Variants in CNTNAP2 observed in about 807,000 individuals in gnomAD.
CNTNAP2 encodes the protein contactin-associated protein-like 2.
In CNTNAP2, 98 loss-of-function variants were observed where a neutral mutation model predicts 155.2. That is an observed-to-expected ratio of 0.63 (90% CI 0.54 to 0.75). CNTNAP2 has a LOEUF of 0.75. CNTNAP2 is among the 30% of genes least tolerant of loss of function. The pLI is 0.00. For synonymous variants in CNTNAP2, 651 were observed against 631.2 expected, an observed-to-expected ratio of 1.03 and a Z score of -0.47; for missense variants, 1,727 against 1,688.1, an observed-to-expected ratio of 1.02 and a Z score of -0.40.
intron 9 of CNTNAP2, among the ~76,000 whole-genome samples, chr7:147,364,806 G>A (rs1432861298): frequency 1.3e-5 from 2 of 151,376 alleles, no homozygotes; most frequent in Admixed American, 6.6e-5. Context: ...CCGAGATCGC[G>A]CCACTGCACT....
chr7:146,687,862 A>T (rs1283172389), intron 1 of CNTNAP2, among the ~76,000 whole-genome samples: 1 of 152,196 alleles, frequency 6.6e-6, no homozygotes. Flanking sequence ...GCAGTCTAGC[A>T]CTGATGCTTT....
chr7:146,303,071 C>CAT lies in CNTNAP2; in HGVS notation c.97+186099_97+186100dup, dbSNP rs751235851. On this transcript the variant is annotated intron_variant, in intron 1 of 23. Transcript: ENST00000361727. Reference sequence around the variant, plus strand: ...GAGAAACTAGGTACACCTTTGTGTGCATGTGTGTGTGTGTGTGTGTGTGTG... The same window carrying CAT: ...GAGAAACTAGGTACACCTTTGTGTGCATATGTGTGTGTGTGTGTGTGTGTGTG... 4.7e-5 allele frequency among the ~76,000 whole-genome samples: 6 copies of CAT among 128,156 alleles called. 1 individual carries two copies. The South Asian group carries it at 1.2e-3, about 25-fold the overall frequency. 84.1% of individuals were successfully genotyped at this position (128,156 alleles called of 152,430 possible).
At chr7:146,460,565 G>C (rs1429898884) in intron 1 of CNTNAP2, among the ~76,000 whole-genome samples, 2 of 152,090 alleles carry the variant, frequency 1.3e-5, no homozygotes, top group African/African-American at 4.8e-5. Flanking sequence ...TAAATTGTAT[G>C]ATATATATGT....
At chr7:146,407,554 G>A (rs1795810003) in intron 1 of CNTNAP2, among the ~76,000 whole-genome samples, 1 of 152,136 alleles carries the variant, frequency 6.6e-6, no homozygotes, top group South Asian at 2.1e-4. Flanking sequence ...CTTTGATTGA[G>A]GAGAGAACTG....
chr7:148,248,462 G>C (rs1796313321), intron 20 of CNTNAP2, among the ~76,000 whole-genome samples: 1 of 152,184 alleles, frequency 6.6e-6, no homozygotes, highest in Non-Finnish European at 1.5e-5. Flanking sequence ...CTTCCAAAGT[G>C]CTGGGATTAC....
At chr7:146,514,438 A>G (rs1797512137) in intron 1 of CNTNAP2, among the ~76,000 whole-genome samples, 1 of 150,872 alleles carries the variant, frequency 6.6e-6, no homozygotes, top group Non-Finnish European at 1.5e-5. Context: ...TTCTCCTGTG[A>G]CTCTATTTTC....
At chr7:146,866,752 G>A (rs1304412599) in intron 3 of CNTNAP2, among the ~76,000 whole-genome samples, 1 of 152,034 alleles carries the variant, frequency 6.6e-6, no homozygotes, top group Non-Finnish European at 1.5e-5. Context: ...AACATTATTT[G>A]TAATAGAGCA....
intron 15 of CNTNAP2, among the ~76,000 whole-genome samples, chr7:148,003,300 A>G (rs1351682085): frequency 1.3e-5 from 2 of 152,188 alleles, no homozygotes; most frequent in Non-Finnish European, 2.9e-5. Flanking sequence ...TGGGATAGAT[A>G]TGCTTCCAAG....
chr7:147,731,521 A>G (rs1336108021), intron 13 of CNTNAP2, among the ~76,000 whole-genome samples: 1 of 152,110 alleles, frequency 6.6e-6, no homozygotes, highest in Non-Finnish European at 1.5e-5. Flanking sequence ...TCAAACTGTT[A>G]GTGTTCATTG....
intron 18 of CNTNAP2, among the ~76,000 whole-genome samples, chr7:148,205,905 G>A (rs1795441248): frequency 6.6e-6 from 1 of 152,004 alleles, no homozygotes; most frequent in Non-Finnish European, 1.5e-5. Context: ...CATGAATAAG[G>A]CATTCACCTT....
At chr7:148,152,484 T>C (rs1805314771) in intron 17 of CNTNAP2, among the ~76,000 whole-genome samples, 1 of 152,044 alleles carries the variant, frequency 6.6e-6, no homozygotes, top group African/African-American at 2.4e-5. Flanking sequence ...AGACCAATCT[T>C]AAGTTCTACA....
At chr7:146,863,687 C>A (rs952517903) in intron 3 of CNTNAP2, among the ~76,000 whole-genome samples, 1 of 152,114 alleles carries the variant, frequency 6.6e-6, no homozygotes. Flanking sequence ...AGTATTTAAC[C>A]TTGAAAGAAT....
chr7:146,998,212 G>A (rs541800460), intron 3 of CNTNAP2, among the ~76,000 whole-genome samples: 31 of 151,888 alleles, frequency 2.0e-4, no homozygotes, highest in African/African-American at 5.3e-4. Flanking sequence ...GCTATATCCC[G>A]CAGAATATGT....
At chr7:146,344,025 T>G (rs2129097089) in intron 1 of CNTNAP2, among the ~76,000 whole-genome samples, 1 of 152,266 alleles carries the variant, frequency 6.6e-6, no homozygotes, top group Admixed American at 6.5e-5. Context: ...TAAAAAATTA[T>G]AAATGACTAA....
chr7:148,163,957 C>T (rs2116678341), intron 17 of CNTNAP2, among the ~76,000 whole-genome samples: 1 of 152,250 alleles, frequency 6.6e-6, no homozygotes, highest in South Asian at 2.1e-4. Context: ...TTTTTTGAGA[C>T]ACAGTCTTGT....
intron 8 of CNTNAP2, among the ~76,000 whole-genome samples, chr7:147,288,702 T>A (rs191434448): frequency 3.3e-5 from 5 of 152,340 alleles, no homozygotes. Context: ...ATGATATGAA[T>A]ATTTTCTCTG....
chr7:147,737,195 G>A (rs907584846), intron 13 of CNTNAP2, among the ~76,000 whole-genome samples: 2 of 152,090 alleles, frequency 1.3e-5, no homozygotes, highest in African/African-American at 4.8e-5. Flanking sequence ...GTACAGGTGG[G>A]GTTTTGGTGT....
At chr7:147,724,647 A>C (rs1217154195) in intron 13 of CNTNAP2, among the ~76,000 whole-genome samples, 1 of 152,086 alleles carries the variant, frequency 6.6e-6, no homozygotes, top group Non-Finnish European at 1.5e-5. Flanking sequence ...TGCATAATAC[A>C]TATGATAATC....
chr7:147,086,170 A>T (rs1800272378), intron 4 of CNTNAP2, among the ~76,000 whole-genome samples: 1 of 152,208 alleles, frequency 6.6e-6, no homozygotes, highest in African/African-American at 2.4e-5. Flanking sequence ...TTTAATGTGA[A>T]CGTAGTGAAA....
Sources: allele counts gnomAD v4.1 joint callset (sites outside exome capture counted in the v4.1 genomes callset), GRCh38; gene constraint gnomAD v4.1.1; transcripts MANE v1.5; gene names NCBI Gene and HGNC (gene_info 2026-07-23, HGNC 2026-07-21).